FRMD3: variants seen among roughly 807,000 people sequenced by gnomAD.
FRMD3 encodes FERM domain containing 3, also known as FERM domain-containing protein 3.
Under a neutral mutation model 70.2 loss-of-function variants are expected in FRMD3, and 33 were observed. The ratio of observed to expected loss-of-function variants is 0.47; its 90% CI spans 0.36 to 0.63. The LOEUF is 0.63. FRMD3 is among the 20% of genes least tolerant of loss of function. FRMD3 has a pLI of 0.00. For synonymous variants in FRMD3, 279 were observed against 255.9 expected (o/e 1.09, Z -0.86); for missense variants, 632 against 711.4 (o/e 0.89, Z 1.27).
At chr9:83,474,762 C>T (rs1828353439) in intron 1 of FRMD3, among the ~76,000 whole-genome samples, 1 of 152,060 alleles carries the variant, frequency 6.6e-6, no homozygotes, top group South Asian at 2.1e-4. Context: ...ACCCAACACT[C>T]TCTCCCCACC....
rs569295352 is a variant in FRMD3, at chr9:83,425,070, G to C, written c.148-35362C>G. ...CCAGCTAGCTACAGTTTACTCACCT[G>C]CAAGTGGAATGGCTCACCCATCTGT... is the stretch of plus-strand genomic sequence containing the variant. On this transcript the variant is annotated intron_variant, in intron 1 of 13. Transcript: ENST00000304195. Among the ~76,000 whole-genome samples the C allele has an allele frequency of 3.9e-5, 6 of 152,308 alleles. No homozygotes were observed. In the East Asian group the frequency reaches 1.2e-3, roughly 29 times the overall value.
intron 1 of FRMD3, among the ~76,000 whole-genome samples, chr9:83,413,258 C>T (rs548986205): frequency 3.2e-4 from 48 of 152,236 alleles, no homozygotes; most frequent in African/African-American, 1.0e-3. Context: ...GGTAGGCTCA[C>T]CAAATCATTT....
In FRMD3 at chr9:83,537,514, C is replaced by T. The variant is rs765227015; in HGVS notation, c.147+571G>A. Among the ~76,000 whole-genome samples, 84 of 152,230 alleles carry T rather than the reference C, an allele frequency of 5.5e-4. 1 individual carries two copies. The highest frequency in any genetic ancestry group is 6.3e-4 in the Non-Finnish European group (43 of 68,038). On this transcript the variant is annotated intron_variant, in intron 1 of 13. Coordinates refer to ENST00000304195, the MANE Select transcript of FRMD3 (RefSeq NM_174938.6). The surrounding 1 kb of genome is among the most constrained non-coding windows in gnomAD (Gnocchi z 4.1). ...GCCCAGGGCAGCCCGGCCTCTCTCA[C>T]TCTGGGGAAACTTCGCCACCGCCCC...
chr9:83,382,302 G>A (rs1477150394), intron 2 of FRMD3, among the ~76,000 whole-genome samples: 3 of 152,022 alleles, frequency 2.0e-5, no homozygotes, highest in Non-Finnish European at 4.4e-5. Context: ...AAGTTCAAGG[G>A]TACATGTGCA....
Position 83,401,374 on chromosome 9 carries a change from TATAGAG to T in FRMD3, c.148-11672_148-11667del, listed in dbSNP as rs1308768009. Among the ~76,000 whole-genome samples the T allele has an allele frequency of 7.9e-5, 12 of 152,330 alleles. No individual in the cohort carries two copies. The East Asian group carries it at 2.1e-3, about 27-fold the overall frequency. On this transcript the variant is annotated intron_variant, in intron 1 of 13. Transcript: ENST00000304195. Reference sequence around the variant, plus strand: ...ACAGAATGTTGGAGTTGGAAGGTACTATAGAGATAATCTTATCCAAACTCTTCATCT... The same window carrying T: ...ACAGAATGTTGGAGTTGGAAGGTACTATAATCTTATCCAAACTCTTCATCT...
intron 2 of FRMD3, among the ~76,000 whole-genome samples, chr9:83,388,450 C>G (rs1469479885): frequency 6.6e-6 from 1 of 152,146 alleles, no homozygotes; most frequent in Non-Finnish European, 1.5e-5. Flanking sequence ...AAGCAGAGAC[C>G]CAAGTGTGTA....
chr9:83,347,522 C>T (rs1824002931), intron 4 of FRMD3, among the ~76,000 whole-genome samples: 1 of 151,982 alleles, frequency 6.6e-6, no homozygotes, highest in Admixed American at 6.6e-5. Flanking sequence ...TACAAAAGCC[C>T]CAGAAATCTA....
intron 1 of FRMD3, among the ~76,000 whole-genome samples, chr9:83,438,954 G>C (rs1468140113): frequency 6.6e-6 from 1 of 152,176 alleles, no homozygotes; most frequent in African/African-American, 2.4e-5. Context: ...CCTTCTGGAG[G>C]AAGGAAGGAG....
intron 1 of FRMD3, among the ~76,000 whole-genome samples, chr9:83,450,165 CCCCA>C (rs1319248697): frequency 2.0e-5 from 3 of 151,976 alleles, no homozygotes; most frequent in Non-Finnish European, 2.9e-5. Flanking sequence ...GGAATGCCTG[CCCCA>C]CCTCCAGGAG....
At chr9:83,509,120 G>A (rs1240776989) in intron 1 of FRMD3, among the ~76,000 whole-genome samples, 1 of 151,344 alleles carries the variant, frequency 6.6e-6, no homozygotes, top group Non-Finnish European at 1.5e-5. Context: ...AGCTCCATGA[G>A]GACCGGAATT....
At chr9:83,290,762 C>T (rs776108250) in intron 12 of FRMD3, 35 bp from the exon 13 acceptor site, 1 of 1,568,086 alleles carries the variant, frequency 6.4e-7, no homozygotes, top group Non-Finnish European at 8.6e-7. Context: ...GAGTTGGTTT[C>T]CATCACAAAT....
intron 1 of FRMD3, among the ~76,000 whole-genome samples, chr9:83,503,397 G>A (rs1049578771): frequency 6.6e-6 from 1 of 152,186 alleles, no homozygotes; most frequent in African/African-American, 2.4e-5. Flanking sequence ...GGACTGTGGT[G>A]ACCTCTAGAA....
At position 83,245,090 on chromosome 9, in the gene FRMD3, G is replaced by T. The variant is rs1233655933; in HGVS notation, c.*2828C>A. ...CCACCATAGTATCTGAGAGGGAGAA[G>T]AACCAATAATACATCTCAAATTCCT... On this transcript the variant is annotated 3_prime_UTR_variant, in exon 14 of 14. Coordinates refer to ENST00000304195, the MANE Select transcript of FRMD3 (RefSeq NM_174938.6). 1.0e-6 allele frequency: 1 copy of T among 985,176 alleles called. No individual in the cohort carries two copies. Among genetic ancestry groups the T allele is most frequent in the Non-Finnish European group, 1.2e-6 (1 of 829,886 alleles). 61.0% of individuals were successfully genotyped at this position (985,176 alleles called of 1,614,324 possible). A position where few individuals can be genotyped will look rare whatever the true frequency, so the allele number is the denominator to read the frequency against.
At chr9:83,395,799 A>G (rs1825796226) in intron 1 of FRMD3, among the ~76,000 whole-genome samples, 1 of 152,008 alleles carries the variant, frequency 6.6e-6, no homozygotes, top group African/African-American at 2.4e-5. Flanking sequence ...GGCAGATTTC[A>G]GTCCCCAATT....
rs1554690831 is a variant in FRMD3, at chr9:83,344,824, A to AGTGAGT, written c.375-1538_375-1537insACTCAC. Among the ~76,000 whole-genome samples, 282 of 144,078 alleles carry AGTGAGT rather than the reference A, an allele frequency of 2.0e-3. 1 individual carries two copies. Among genetic ancestry groups the AGTGAGT allele is most frequent in the African/African-American group, 6.0e-3 (236 of 39,140 alleles). 94.5% of individuals were successfully genotyped at this position (144,078 alleles called of 152,430 possible). A position where few individuals can be genotyped will look rare whatever the true frequency, so the allele number is the denominator to read the frequency against. Reference sequence around the variant, plus strand: ...GTGTGTGTGCATGCGTGCATGTGTGAGTGTGTGTGTGTGTGTGTGTGTGTG... The same window carrying AGTGAGT: ...GTGTGTGTGCATGCGTGCATGTGTGAGTGAGTGTGTGTGTGTGTGTGTGTGTGTGTG... On this transcript the variant is annotated intron_variant, in intron 4 of 13. Coordinates refer to ENST00000304195, the MANE Select transcript of FRMD3 (RefSeq NM_174938.6).
intron 1 of FRMD3, among the ~76,000 whole-genome samples, chr9:83,453,905 C>T (rs572724138): frequency 3.3e-5 from 5 of 151,878 alleles, no homozygotes; most frequent in South Asian, 2.1e-4. Flanking sequence ...TTAGTAGAGA[C>T]GGGGTTTTGC....
At chr9:83,549,494 G>A in the FRMD3 span, among the ~76,000 whole-genome samples, 1 of 151,900 alleles carries the variant, frequency 6.6e-6, no homozygotes, top group Non-Finnish European at 1.5e-5. Context: ...TGTGTTGAAT[G>A]GTAGCTTTTA....
chr9:83,407,208 G>T (rs1345707251), intron 1 of FRMD3, among the ~76,000 whole-genome samples: 1 of 152,140 alleles, frequency 6.6e-6, no homozygotes, highest in Non-Finnish European at 1.5e-5. Context: ...TTTCTCAAGT[G>T]AACTTATTTT....
At chr9:83,467,960 A>G (rs1828173690) in intron 1 of FRMD3, among the ~76,000 whole-genome samples, 1 of 152,186 alleles carries the variant, frequency 6.6e-6, no homozygotes. Context: ...ACAGGGATGG[A>G]TCATACTTAG....
Sources: gnomAD v4.1 joint callset for allele counts (sites outside exome capture counted in the v4.1 genomes callset) on GRCh38, gnomAD v4.1.1 for gene constraint, Gnocchi (gnomAD v3.1) non-coding constraint, MANE v1.5 for transcripts, NCBI Gene and HGNC (gene_info 2026-07-23, HGNC 2026-07-21) for gene names.